The following GTPBP6 variants were observed in gnomAD, a reference collection of about 807,000 sequenced individuals.
GTPBP6 encodes the protein GTP binding protein 6.
A neutral mutation model predicts 28.9 loss-of-function variants in GTPBP6; 33 were observed. That is an observed-to-expected ratio of 1.14 (90% CI 0.87 to 1.53). The LOEUF is 1.53. Ranked by LOEUF, GTPBP6 falls within the 40% of genes most tolerant of loss-of-function variation. GTPBP6 has a pLI of 0.00. For synonymous variants in GTPBP6, 231 were observed against 192.7 expected (o/e 1.20, Z -1.65); for missense variants, 507 against 408.3 (o/e 1.24, Z -2.08).
chrX:307,411 G>A lies in GTPBP6; in HGVS notation c.1376C>T (p.Thr459Met), dbSNP rs183120742. Residue 459 changes from threonine to methionine, a missense_variant, in exon 9 of 10, where the codon ACG becomes ATG. Transcript: ENST00000326153. ...ACGGAGAGTGAGGATCTGTCTCCCC[G>A]TCGCCTTCAAAACCGCCGCATCGAG... 4.4e-4 allele frequency: 703 copies of A among 1,612,506 alleles called. 5 individuals carry two copies. The African/African-American group carries it at 7.3e-3, about 17-fold the overall frequency.
At chrX:311,318 G>T in intron 7 of GTPBP6, 101 bp downstream of exon 7, 1 of 694,674 alleles carries the variant, frequency 1.4e-6, no homozygotes, top group South Asian at 2.0e-5. Flanking sequence ...TGGGCTGAGT[G>T]GGTGTCCGAG....
exon 6 of GTPBP6, chrX:312,781 C>G (rs772424872): frequency 5.6e-6 from 9 of 1,612,396 alleles, no homozygotes; most frequent in Non-Finnish European, 7.6e-6. Context: ...TTGGTGTACC[C>G]CACCACGGAG....
chrX:309,993 G>A (rs2070251357), intron 7 of GTPBP6, among the ~76,000 whole-genome samples: 1 of 141,524 alleles, frequency 7.1e-6, no homozygotes, highest in Non-Finnish European at 1.5e-5. Context: ...AGACTGGAGT[G>A]ATGCGGCCAC....
At chrX:318,490 G>C in exon 1 of GTPBP6, 1 of 398,462 alleles carries the variant, frequency 2.5e-6, no homozygotes, top group Non-Finnish European at 4.4e-6. Context: ...GGGTGAACCA[G>C]ACACACGCGC....
At chrX:317,216 T>G (rs1411520932) in intron 1 of GTPBP6, among the ~76,000 whole-genome samples, 165 bp from the exon 2 acceptor site, 1 of 151,858 alleles carries the variant, frequency 6.6e-6, no homozygotes, top group African/African-American at 2.4e-5. Context: ...GGCCTCTAAG[T>G]AGGAATCTGA....
intron 5 of GTPBP6, among the ~76,000 whole-genome samples, chrX:313,665 A>G (rs111792933): frequency 0.019 from 2,928 of 152,134 alleles, 97 homozygotes; most frequent in African/African-American, 0.064. Flanking sequence ...TCCTTGTAAG[A>G]GACAGAAGAG....
At chrX:317,702 CCCCACCCCA>C (rs2070464422) in intron 1 of GTPBP6, among the ~76,000 whole-genome samples, 1 of 68,954 alleles carries the variant, frequency 1.5e-5, no homozygotes, top group Admixed American at 1.4e-4. Flanking sequence ...CCCAACCCCA[CCCCACCCCA>C]CCCCACCCCA....
At chrX:317,082 C>T (rs9652798) in intron 1 of GTPBP6, 31 bp from the exon 2 acceptor site, 30,977 of 397,788 alleles carry the variant, frequency 0.078, 3,531 homozygotes, top group African/African-American at 0.37. Flanking sequence ...CCGTGAGAGA[C>T]GCTTCTGCCC....
chrX:314,292 A>AG lies in GTPBP6; in HGVS notation c.690-76dup, dbSNP rs1158535897. On this transcript the variant is annotated intron_variant, in intron 4 of 9. Coordinates refer to ENST00000326153, the Ensembl canonical transcript of GTPBP6. ...CCGGCAGAGGTCGAGGTGAAGGTGA[A>AG]GGGGGCACTGAGCTGGGCCTCTGGG... 4.0e-6 allele frequency: 5 copies of AG among 1,237,754 alleles called. No individual in the cohort carries two copies. In the African/African-American group the frequency reaches 5.9e-5, roughly 15 times the overall value. 76.7% of individuals were successfully genotyped at this position (1,237,754 alleles called of 1,614,324 possible).
intron 1 of GTPBP6, 90 bp downstream of exon 1, chrX:318,349 T>C (rs1330881990): frequency 6.0e-6 from 2 of 332,262 alleles, no homozygotes; most frequent in East Asian, 4.0e-5. Flanking sequence ...GCCCCGCCCC[T>C]GAATCTCCAC....
intron 1 of GTPBP6, 72 bp downstream of exon 1, chrX:318,367 C>G (rs1364862483): frequency 1.4e-5 from 5 of 354,724 alleles, no homozygotes; most frequent in African/African-American, 2.3e-5. Context: ...CACCTATGAG[C>G]CCCCTCCCCT....
chrX:312,607 C>T, intron 6 of GTPBP6, 159 bp downstream of exon 6: 2 of 776,326 alleles, frequency 2.6e-6, no homozygotes, highest in Non-Finnish European at 2.2e-6. Context: ...CTGGTGTACC[C>T]CACACGGCGA....
intron 2 of GTPBP6, among the ~76,000 whole-genome samples, chrX:315,588 T>C (rs1409587090): frequency 3.4e-4 from 10 of 29,090 alleles, no homozygotes; most frequent in South Asian, 1.1e-3. Context: ...ACACACACAG[T>C]AAATACATCC....
At chrX:306,911 AGGC>A (rs2070180908) in intron 9 of GTPBP6, among the ~76,000 whole-genome samples, 1 of 82,588 alleles carries the variant, frequency 1.2e-5, no homozygotes, top group Non-Finnish European at 2.7e-5. Flanking sequence ...AGCACAGATT[AGGC>A]ACCTGTTGTA....
rs142827658 is a variant in GTPBP6 at position 308,423 on chromosome X, A to C, written c.1126-543T>G. 1.8e-3 allele frequency among the ~76,000 whole-genome samples: 280 copies of C among 152,294 alleles called. 1 individual carries two copies. The highest frequency in any genetic ancestry group is 6.5e-3 in the African/African-American group (269 of 41,566). Reference sequence around the variant, plus strand: ...GTTTGTTTGGATGCACTTAATACAAATAATATTTTTCCTGTAACTGAGGCA... The same window carrying C: ...GTTTGTTTGGATGCACTTAATACAACTAATATTTTTCCTGTAACTGAGGCA... On this transcript the variant is annotated intron_variant, in intron 7 of 9. Coordinates refer to ENST00000326153, the Ensembl canonical transcript of GTPBP6.
At chrX:311,805 C>T (rs774389175) in intron 6 of GTPBP6, 178 bp from the exon 7 acceptor site, 148 of 625,636 alleles carry the variant, frequency 2.4e-4, no homozygotes, top group Middle Eastern at 1.7e-3. Context: ...ACAAAGCCAC[C>T]GTCGCTGTTC....
At chrX:312,482 A>G (rs1457067148) in intron 6 of GTPBP6, 3 of 644,288 alleles carry the variant, frequency 4.7e-6, no homozygotes, top group Admixed American at 2.1e-5. Flanking sequence ...TGTGGTATAG[A>G]CAGGGTGGTA....
At chrX:311,968 G>A in intron 6 of GTPBP6, 3 of 554,988 alleles carry the variant, frequency 5.4e-6, no homozygotes, top group Non-Finnish European at 9.9e-6. Context: ...GGTGGTGCTG[G>A]TGTGGATGGG....
At chrX:314,107 C>A in intron 5 of GTPBP6, 43 bp downstream of exon 5, 2 of 1,492,216 alleles carry the variant, frequency 1.3e-6, no homozygotes, top group Non-Finnish European at 1.9e-6. Flanking sequence ...CTGACAACCG[C>A]ATTCCGAGGA....
Sources: allele counts gnomAD v4.1 joint callset (sites outside exome capture counted in the v4.1 genomes callset), GRCh38; gene constraint gnomAD v4.1.1; transcripts MANE v1.5; gene names NCBI Gene and HGNC (gene_info 2026-07-23, HGNC 2026-07-21).